Variants in PTPRC observed in about 807,000 individuals in gnomAD.
PTPRC encodes the protein receptor-type tyrosine-protein phosphatase C.
PTPRC carries 44 observed loss-of-function variants against 155.9 expected under a neutral mutation model. The ratio of observed to expected loss-of-function variants is 0.28; its 90% confidence interval spans 0.22 to 0.36. The LOEUF (loss-of-function observed/expected upper bound fraction) is 0.36. Ranked by LOEUF, PTPRC falls within the 10% of genes least tolerant of loss-of-function variation. The pLI is 1.00. For synonymous variants in PTPRC, 525 were observed against 533.1 expected (o/e 0.98, Z 0.21); for missense variants, 1,401 against 1,564.6 (o/e 0.90, Z 1.76).
chr1:198,729,655 A>G (rs1654299722), intron 17 of PTPRC, among the ~76,000 whole-genome samples: 1 of 152,178 alleles, frequency 6.6e-6, no homozygotes, highest in African/African-American at 2.4e-5. Flanking sequence ...TTCCCAGTGT[A>G]CGCCAAGCAT....
intron 15 of PTPRC, among the ~76,000 whole-genome samples, chr1:198,726,651 G>A (rs535211488): frequency 1.3e-5 from 2 of 152,074 alleles, no homozygotes; most frequent in South Asian, 2.1e-4. Context: ...TTGATCATGA[G>A]ATGAACTGTT....
intron 28 of PTPRC, 91 bp from the exon 29 acceptor site, chr1:198,750,401 C>A: frequency 7.3e-7 from 1 of 1,372,690 alleles, no homozygotes; most frequent in South Asian, 1.2e-5. Flanking sequence ...GCATTGATAT[C>A]AAACTGACTA....
chr1:198,696,712 G>A lies in PTPRC; in HGVS notation c.101G>A (p.Gly34Glu), dbSNP rs753850217. 9 of 1,612,386 alleles carry A rather than the reference G, an allele frequency of 5.6e-6. No individual in the cohort carries two copies. The East Asian group carries it at 6.7e-5, about 12-fold the overall frequency. ...TGQSPTPSPT[G>E]LTTAKMPSVP... Reference sequence around the variant, plus strand: ...TCTCCCATTTTCCATTAATTAACAGGATTGACTACAGCAAAGATGCCCAGT... The same window carrying A: ...TCTCCCATTTTCCATTAATTAACAGAATTGACTACAGCAAAGATGCCCAGT... The change falls in exon 4 of 33, where the codon GGA becomes GAA. Residue 34 changes from glycine (G) to glutamate (E), a missense_variant and splice_region_variant. Gly to Glu is a moderately conservative substitution (Grantham distance 98). Around this residue, in one of 3 missense-constraint regions of PTPRC, gnomAD observed 867 missense variants for 970.4 expected, o/e 0.89. Transcript: ENST00000442510.
intron 14 of PTPRC, among the ~76,000 whole-genome samples, chr1:198,721,838 T>C (rs576084275): frequency 1.3e-5 from 2 of 151,494 alleles, no homozygotes; most frequent in African/African-American, 4.8e-5. Context: ...AAATATATTT[T>C]ACTTAAATTT....
At chr1:198,657,236 GTTTTTA>G (rs1663644185) in intron 2 of PTPRC, among the ~76,000 whole-genome samples, 1 of 151,572 alleles carries the variant, frequency 6.6e-6, no homozygotes, top group African/African-American at 2.4e-5. Flanking sequence ...AAGAAAGTAG[GTTTTTA>G]TGTTTATAGT....
intron 2 of PTPRC, among the ~76,000 whole-genome samples, chr1:198,647,046 T>C (rs573426016): frequency 6.6e-5 from 10 of 152,042 alleles, no homozygotes; most frequent in African/African-American, 1.9e-4. Context: ...AATGTGACCT[T>C]GTTTGGTCTT....
rs549159272 is a variant in PTPRC, at chr1:198,643,281, A to C, written c.73+3940A>C. On this transcript the variant is annotated intron_variant, in intron 2 of 32. Coordinates refer to ENST00000442510, the MANE Select transcript of PTPRC (RefSeq NM_002838.5). ...CATGAAATCAGGTATAGGAGACACA[A>C]AAGGCATAAACTCATAGTTCCCATA... Among the ~76,000 whole-genome samples, 7 of 152,012 alleles carry C rather than the reference A, an allele frequency of 4.6e-5. No individual in the cohort carries two copies. In the South Asian group the frequency reaches 1.5e-3, roughly 31 times the overall value.
intron 30 of PTPRC, 41 bp downstream of exon 30, chr1:198,752,412 GGATCTGGTA>G (rs1553246012): frequency 1.2e-5 from 19 of 1,605,440 alleles, no homozygotes; most frequent in Non-Finnish European, 1.6e-5. Flanking sequence ...TTGATATAAT[GGATCTGGTA>G]GCAAAATGAA....
intron 13 of PTPRC, among the ~76,000 whole-genome samples, chr1:198,717,770 T>TTCCTC (rs1352144484): frequency 1.3e-5 from 2 of 152,060 alleles, no homozygotes; most frequent in Admixed American, 6.6e-5. Context: ...AACAACATTT[T>TTCCTC]TCCTCTCCTC....
At chr1:198,652,881 G>T (rs746489258) in intron 2 of PTPRC, among the ~76,000 whole-genome samples, 2 of 151,846 alleles carry the variant, frequency 1.3e-5, no homozygotes, top group East Asian at 3.9e-4. Flanking sequence ...GCTCGATGGT[G>T]TGGATGAAAG....
chr1:198,734,877 C>T (rs1654555231), intron 22 of PTPRC, among the ~76,000 whole-genome samples: 2 of 151,670 alleles, frequency 1.3e-5, no homozygotes, highest in Admixed American at 1.3e-4. Flanking sequence ...ATTATGTCCT[C>T]TCTTAACATG....
chr1:198,680,061 G>A (rs1571823821), intron 2 of PTPRC: 4 of 474,322 alleles, frequency 8.4e-6, no homozygotes, highest in South Asian at 3.1e-5. Context: ...AGAACGCAGC[G>A]CGCAGCTGGG....
intron 26 of PTPRC, among the ~76,000 whole-genome samples, chr1:198,747,410 A>AT: frequency 6.6e-6 from 1 of 151,854 alleles, no homozygotes; most frequent in Middle Eastern, 3.4e-3. Flanking sequence ...TTTTTATGCT[A>AT]TTTTGAGGAG....
chr1:198,645,646 C>T (rs768037486), intron 2 of PTPRC, among the ~76,000 whole-genome samples: 2 of 151,774 alleles, frequency 1.3e-5, no homozygotes, highest in Non-Finnish European at 2.9e-5. Flanking sequence ...AATCAGAGCA[C>T]ATAGCCTTTT....
intron 2 of PTPRC, among the ~76,000 whole-genome samples, chr1:198,653,351 G>C (rs10922468): frequency 6.6e-6 from 1 of 151,682 alleles, no homozygotes; most frequent in Non-Finnish European, 1.5e-5. Flanking sequence ...TTTGAAAAAC[G>C]ATAAAGGAGT....
chr1:198,667,596 C>G (rs1050460744), intron 2 of PTPRC, among the ~76,000 whole-genome samples: 2 of 152,352 alleles, frequency 1.3e-5, no homozygotes, highest in Non-Finnish European at 2.9e-5. Flanking sequence ...TTCAGTTATT[C>G]TAGCTGTGCT....
intron 25 of PTPRC, among the ~76,000 whole-genome samples, chr1:198,743,067 C>CAAAAAAAAAAAAAAAAAAAAAAA (rs10628640): frequency 1.3e-5 from 1 of 75,952 alleles, no homozygotes; most frequent in African/African-American, 5.1e-5. Flanking sequence ...GTCAAAATAG[C>CAAAAAAAAAAAAAAAAAAAAAAA]AAAAAAAAAA....
intron 9 of PTPRC, among the ~76,000 whole-genome samples, chr1:198,707,354 G>A (rs897506074): frequency 2.0e-5 from 3 of 152,134 alleles, no homozygotes; most frequent in Non-Finnish European, 4.4e-5. Context: ...GATTTGATGT[G>A]TATGGGAAGA....
At chr1:198,650,688 G>C (rs891301245) in intron 2 of PTPRC, among the ~76,000 whole-genome samples, 1 of 151,754 alleles carries the variant, frequency 6.6e-6, no homozygotes, top group African/African-American at 2.4e-5. Context: ...ATAAACATAG[G>C]AGTCATTGCA....
Sources: gnomAD v4.1 joint callset for allele counts (sites outside exome capture counted in the v4.1 genomes callset) on GRCh38, gnomAD v4.1.1 for gene constraint, gnomAD v4.1.1 regional missense constraint, MANE v1.5 for transcripts, NCBI Gene and HGNC (gene_info 2026-07-23, HGNC 2026-07-21) for gene names.